Variants in EIPR1 observed in about 807,000 individuals in gnomAD.
EIPR1 encodes EARP and GARP complex-interacting protein 1.
A neutral mutation model predicts 48.1 loss-of-function variants in EIPR1; 25 were observed. The ratio of observed to expected loss-of-function variants is 0.52; its 90% CI spans 0.38 to 0.73. EIPR1 has a LOEUF of 0.73. Among genes scored for constraint, EIPR1 ranks in the 30% least tolerant of loss-of-function variants. The pLI is 0.00. For synonymous variants in EIPR1, 204 were observed against 201.9 expected (o/e 1.01, Z -0.09); for missense variants, 415 against 506.2 (o/e 0.82, Z 1.73).
chr2:3,285,946 G>A (rs1668171767), intron 3 of EIPR1, among the ~76,000 whole-genome samples: 1 of 152,006 alleles, frequency 6.6e-6, no homozygotes, highest in South Asian at 2.1e-4. Flanking sequence ...CCCTCGCACG[G>A]AGCAGAAGTC....
intron 1 of EIPR1, among the ~76,000 whole-genome samples, chr2:3,360,110 A>C (rs750392446): frequency 3.3e-5 from 5 of 152,220 alleles, no homozygotes; most frequent in Non-Finnish European, 5.9e-5. Context: ...TTATAAAGAA[A>C]GGCCAAGGCG....
At chr2:3,317,486 C>T (rs1391348614) in intron 3 of EIPR1, among the ~76,000 whole-genome samples, 4 of 151,704 alleles carry the variant, frequency 2.6e-5, no homozygotes, top group Admixed American at 6.5e-5. Context: ...GCCTCACATG[C>T]GGGGTGGAGC....
In EIPR1 at chr2:3,306,288, C is replaced by T. The variant is rs1041248799; in HGVS notation, c.259+31729G>A. Among the ~76,000 whole-genome samples, 5 of 152,304 alleles carry T rather than the reference C, an allele frequency of 3.3e-5. No homozygotes were observed. The South Asian group carries it at 1.0e-3, about 32-fold the overall frequency. On this transcript the variant is annotated intron_variant, in intron 3 of 8. Coordinates refer to ENST00000382125, the MANE Select transcript of EIPR1 (RefSeq NM_003310.5). ...TATTTGGTTGGATTTGTTCTCTTTT[C>T]CCCCCTTCTGTTTCCCAGGTTAGTG...
chr2:3,240,921 C>A (rs771360850), intron 4 of EIPR1, among the ~76,000 whole-genome samples: 2 of 10,882 alleles, frequency 1.8e-4, no homozygotes. Flanking sequence ...CTTCCTAAAG[C>A]AAAGCCAGCA....
rs544237099 is a variant in EIPR1, at chr2:3,295,770, C to T, written c.260-38315G>A. Among the ~76,000 whole-genome samples the T allele has an allele frequency of 9.5e-5, 13 of 136,988 alleles. No individual in the cohort carries two copies. The South Asian group carries it at 2.7e-3, about 29-fold the overall frequency. 89.9% of individuals were successfully genotyped at this position (136,988 alleles called of 152,430 possible). Reference sequence around the variant, plus strand: ...CCATCCAGCCCGTCCTCTCTCTGCACACACACCCTCCATCCAGCCCATCCT... The same window carrying T: ...CCATCCAGCCCGTCCTCTCTCTGCATACACACCCTCCATCCAGCCCATCCT... On this transcript the variant is annotated intron_variant, in intron 3 of 8. Coordinates refer to ENST00000382125, the MANE Select transcript of EIPR1 (RefSeq NM_003310.5).
chr2:3,365,563 A>C (rs1306937710), intron 1 of EIPR1, among the ~76,000 whole-genome samples: 1 of 149,818 alleles, frequency 6.7e-6, no homozygotes, highest in Non-Finnish European at 1.5e-5. Context: ...ATAGGACAAT[A>C]GTGGAGGGAA....
At chr2:3,304,005 T>C (rs928680188) in intron 3 of EIPR1, among the ~76,000 whole-genome samples, 5 of 152,368 alleles carry the variant, frequency 3.3e-5, no homozygotes, top group African/African-American at 1.2e-4. Flanking sequence ...TTGCATGGTT[T>C]GAAAAGATTT....
intron 4 of EIPR1, among the ~76,000 whole-genome samples, chr2:3,239,837 A>G (rs1666537437): frequency 6.6e-6 from 1 of 152,226 alleles, no homozygotes; most frequent in South Asian, 2.1e-4. Context: ...TTCCTTACAT[A>G]TATGGGTCTC....
chr2:3,190,017 GCTGGGC>G (rs1365224349), intron 8 of EIPR1, among the ~76,000 whole-genome samples: 1 of 152,090 alleles, frequency 6.6e-6, no homozygotes, highest in African/African-American at 2.4e-5. Flanking sequence ...TGGGAGTGGG[GCTGGGC>G]TGAGGATCCC....
At chr2:3,257,557 T>C (rs1046418317) in intron 3 of EIPR1, 102 bp from the exon 4 acceptor site, 11 of 1,402,684 alleles carry the variant, frequency 7.8e-6, no homozygotes, top group Non-Finnish European at 7.8e-6. Context: ...GCAGCGCGCA[T>C]CTGCTCTTTA....
At chr2:3,302,343 G>A (rs1053364169) in intron 3 of EIPR1, among the ~76,000 whole-genome samples, 6 of 152,054 alleles carry the variant, frequency 3.9e-5, no homozygotes, top group Middle Eastern at 3.2e-3. Flanking sequence ...AAATTTAAAT[G>A]TTAACAATTA....
intron 2 of EIPR1, among the ~76,000 whole-genome samples, chr2:3,340,020 G>A (rs1670187064): frequency 6.6e-6 from 1 of 152,222 alleles, no homozygotes; most frequent in Non-Finnish European, 1.5e-5. Flanking sequence ...TGAGGCGGCT[G>A]CTCCCCTTTC....
chr2:3,218,731 G>C (rs1343569622), intron 4 of EIPR1, among the ~76,000 whole-genome samples: 4 of 150,226 alleles, frequency 2.7e-5, no homozygotes, highest in Admixed American at 1.3e-4. Flanking sequence ...AGCTTTCACA[G>C]TGAGTCAGGT....
At chr2:3,372,060 A>G (rs1461032949) in intron 1 of EIPR1, among the ~76,000 whole-genome samples, 4 of 151,840 alleles carry the variant, frequency 2.6e-5, no homozygotes, top group Non-Finnish European at 5.9e-5. Flanking sequence ...ATCAAACTAG[A>G]ACTCAGGATT....
intron 1 of EIPR1, among the ~76,000 whole-genome samples, chr2:3,370,106 G>A (rs1416377114): frequency 6.6e-6 from 1 of 152,160 alleles, no homozygotes; most frequent in Non-Finnish European, 1.5e-5. Context: ...TGCAGACACC[G>A]CTGCTGATAC....
intron 4 of EIPR1, among the ~76,000 whole-genome samples, chr2:3,256,664 C>T (rs1387443978): frequency 5.9e-5 from 9 of 152,228 alleles, no homozygotes; most frequent in East Asian, 1.9e-4. Context: ...AGTATGCCCC[C>T]GCAATCTCCT....
intron 3 of EIPR1, among the ~76,000 whole-genome samples, chr2:3,335,972 G>A (rs762753862): frequency 7.9e-5 from 12 of 152,166 alleles, no homozygotes; most frequent in Admixed American, 2.6e-4. Flanking sequence ...TCAGGAGAGT[G>A]TGCCCCTAAG....
At chr2:3,205,875 TACA>T (rs970226553) in intron 5 of EIPR1, among the ~76,000 whole-genome samples, 38 of 152,354 alleles carry the variant, frequency 2.5e-4, no homozygotes, top group African/African-American at 8.4e-4. Flanking sequence ...AAGGAGATAA[TACA>T]GGTCAAATGT....
At position 3,377,781 on chromosome 2, in the gene EIPR1, C is replaced by G. The variant is rs554655075; in HGVS notation, c.-92G>C. On this transcript the variant is annotated 5_prime_UTR_variant, in exon 1 of 9. Transcript: ENST00000382125. Reference sequence around the variant, plus strand: ...CCACCTCGCGGGCGTGTTCCCAGCGCCCATTCATTCCCTCCCCGCAGCAAA... The same window carrying G: ...CCACCTCGCGGGCGTGTTCCCAGCGGCCATTCATTCCCTCCCCGCAGCAAA... 1 of 1,457,468 alleles carries G rather than the reference C, an allele frequency of 6.9e-7. No homozygotes were observed. The highest frequency in any genetic ancestry group is 9.3e-7 in the Non-Finnish European group (1 of 1,070,252). 90.3% of individuals were successfully genotyped at this position (1,457,468 alleles called of 1,614,324 possible). A position where few individuals can be genotyped will look rare whatever the true frequency, so the allele number is the denominator to read the frequency against.
Sources: gnomAD v4.1 joint callset for allele counts (sites outside exome capture counted in the v4.1 genomes callset) on GRCh38, gnomAD v4.1.1 for gene constraint, MANE v1.5 for transcripts, NCBI Gene and HGNC (gene_info 2026-07-23, HGNC 2026-07-21) for gene names.